Variants in NBEAL1 observed in about 807,000 individuals in gnomAD.
NBEAL1 encodes the protein neurobeachin like 1.
A neutral mutation model predicts 351.3 loss-of-function variants in NBEAL1; 273 were observed. The observed-to-expected ratio is 0.78, with a 90% confidence interval of 0.70 to 0.86. The LOEUF is 0.86. NBEAL1 is among the 40% of genes least tolerant of loss of function. The pLI is 0.00. For missense variants in NBEAL1, 2,961 were observed against 3,201.3 expected (o/e 0.92, Z 1.81); for synonymous variants, 1,050 against 1,086.4 (o/e 0.97, Z 0.66).
chr2:203,176,335 G>T (rs959746999), intron 42 of NBEAL1, among the ~76,000 whole-genome samples: 1 of 151,714 alleles, frequency 6.6e-6, no homozygotes, highest in Non-Finnish European at 1.5e-5. Context: ...TTGCCATATT[G>T]CCCAGGCTGG....
chr2:203,187,779 C>A (rs1017161874), intron 44 of NBEAL1, among the ~76,000 whole-genome samples: 4 of 152,028 alleles, frequency 2.6e-5, no homozygotes, highest in Non-Finnish European at 4.4e-5. Context: ...ACTTTTTAAC[C>A]GATCTTACTG....
intron 14 of NBEAL1, among the ~76,000 whole-genome samples, chr2:203,108,916 A>G (rs1366250536): frequency 2.0e-5 from 3 of 152,170 alleles, no homozygotes; most frequent in Non-Finnish European, 4.4e-5. Flanking sequence ...GTGTGGTGGC[A>G]CATACCTGTA....
At chr2:203,028,786 C>T (rs1482775214) in intron 2 of NBEAL1, among the ~76,000 whole-genome samples, 1 of 151,786 alleles carries the variant, frequency 6.6e-6, no homozygotes, top group Non-Finnish European at 1.5e-5. Flanking sequence ...TTTATATTTT[C>T]CTATTTTTTT....
intron 48 of NBEAL1, 114 bp from the exon 49 acceptor site, chr2:203,199,224 A>G (rs772141384): frequency 8.8e-5 from 51 of 576,752 alleles, no homozygotes; most frequent in Non-Finnish European, 1.4e-4. Flanking sequence ...TGAAGTACAC[A>G]GTCTCACAGT....
chr2:203,056,751 A>G (rs1054846485), intron 5 of NBEAL1, among the ~76,000 whole-genome samples: 11 of 152,188 alleles, frequency 7.2e-5, no homozygotes, highest in Non-Finnish European at 1.5e-4. Context: ...TATTTTTAGT[A>G]GAGACGGGGT....
intron 12 of NBEAL1, among the ~76,000 whole-genome samples, chr2:203,106,473 C>G (rs1251652037): frequency 6.6e-6 from 1 of 152,124 alleles, no homozygotes; most frequent in East Asian, 1.9e-4. Context: ...CCATCTAATA[C>G]TAGTTGCTGT....
At chr2:203,190,504 A>G in intron 46 of NBEAL1, 115 bp downstream of exon 46, 1 of 804,048 alleles carries the variant, frequency 1.2e-6, no homozygotes, top group Non-Finnish European at 2.0e-6. Context: ...CAGTCACAGA[A>G]AGATTTCTGT....
rs551035830 is a variant in NBEAL1 at position 203,149,040 on chromosome 2, G to A, written c.5354G>A (p.Arg1785Lys). The change falls in exon 34 of 56, where the codon AGG (arginine) becomes AAG (lysine). Residue 1785 changes from arginine (R) to lysine (K), a missense_variant. Physicochemically the swap from Arg to Lys is conservative, Grantham distance 26. Coordinates refer to ENST00000683969, the MANE Select transcript of NBEAL1 (RefSeq NM_001378026.1). ...CGAAAAGCACGCCAAGAGAACCTGAGGTATAATAATATGCTTAAACAACTT... is the reference window on the plus strand; with the variant it reads ...CGAAAAGCACGCCAAGAGAACCTGAAGTATAATAATATGCTTAAACAACTT... ...FNRKARQENL[R>K]YNNMLKQLSS... 6.2e-5 allele frequency: 100 copies of A among 1,611,900 alleles called. 2 individuals carry two copies. The South Asian group carries it at 9.3e-4, about 15-fold the overall frequency.
intron 27 of NBEAL1, 87 bp from the exon 28 acceptor site, chr2:203,135,590 T>G: frequency 2.5e-6 from 2 of 795,706 alleles, no homozygotes. Context: ...TTAAATTACC[T>G]TATCATTAAA....
At chr2:203,127,029 A>G (rs1559385338) in intron 23 of NBEAL1, 103 bp downstream of exon 23, 4 of 782,424 alleles carry the variant, frequency 5.1e-6, no homozygotes, top group South Asian at 1.9e-5. Context: ...CGATTCTAGT[A>G]TGTTTTAACT....
chr2:203,215,529 GAAC>G (rs2065881688), intron 55 of NBEAL1, among the ~76,000 whole-genome samples: 1 of 151,142 alleles, frequency 6.6e-6, no homozygotes, highest in Non-Finnish European at 1.5e-5. Context: ...ACAACAACAA[GAAC>G]AACAAATTAG....
intron 51 of NBEAL1, among the ~76,000 whole-genome samples, chr2:203,203,317 T>TTTA (rs2065454445): frequency 6.6e-6 from 1 of 151,036 alleles, no homozygotes; most frequent in Admixed American, 6.6e-5. Flanking sequence ...ATTTTTTTTT[T>TTTA]ATTGTATTTT....
chr2:203,188,483 T>C lies in NBEAL1; in HGVS notation c.6717T>C (p.Tyr2239=), dbSNP rs780589511. 6.4e-7 allele frequency: 1 copy of C among 1,564,524 alleles called. No individual in the cohort carries two copies. The highest frequency in any genetic ancestry group is 1.9e-5 in the Admixed American group (1 of 53,212). The change falls in exon 45 of 56, where the codon TAT becomes TAC. Residue 2239 remains tyrosine (Y), a synonymous_variant. Transcript: ENST00000683969. ...YKHRKALESE[Y]VSAHLHEWID... Reference sequence around the variant, plus strand: ...TATTCTTTTTCTAGGAGTCTGAATATGTTTCAGCTCATCTTCATGAATGGA... The same window carrying C: ...TATTCTTTTTCTAGGAGTCTGAATACGTTTCAGCTCATCTTCATGAATGGA...
In NBEAL1 at chr2:203,193,914, A is replaced by T. The variant is rs2065166964; in HGVS notation, c.7038+3A>T. On this transcript the variant is annotated splice_donor_region_variant and intron_variant, in intron 47 of 55. Transcript: ENST00000683969. Reference sequence around the variant, plus strand: ...AACTCAAGTCATTTTTTATAGAGGTAATATCCTACTTGGTAATATCAAAAA... The same window carrying T: ...AACTCAAGTCATTTTTTATAGAGGTTATATCCTACTTGGTAATATCAAAAA... 1 of 1,514,190 alleles carries T rather than the reference A, an allele frequency of 6.6e-7. No homozygotes were observed. The highest frequency in any genetic ancestry group is 9.1e-7 in the Non-Finnish European group (1 of 1,094,160). The allele number at this position is 1,514,190 out of a possible 1,614,324, so 93.8% of individuals were successfully genotyped here.
chr2:203,142,753 T>C (rs1166663999), intron 31 of NBEAL1, among the ~76,000 whole-genome samples: 1 of 152,224 alleles, frequency 6.6e-6, no homozygotes, highest in East Asian at 1.9e-4. Flanking sequence ...ATTACATTGG[T>C]ATTTCCTGGA....
intron 44 of NBEAL1, 87 bp from the exon 45 acceptor site, chr2:203,188,385 A>T: frequency 1.5e-6 from 1 of 662,948 alleles, no homozygotes; most frequent in Non-Finnish European, 2.3e-6. Flanking sequence ...GAAATGTTTC[A>T]TTTGTCCTTA....
intron 54 of NBEAL1, among the ~76,000 whole-genome samples, chr2:203,212,330 G>A (rs1225425241): frequency 6.6e-6 from 1 of 151,978 alleles, no homozygotes; most frequent in South Asian, 2.1e-4. Context: ...TTGGAAGCTG[G>A]GTGTGGTGGC....
At position 203,107,947 on chromosome 2, in the gene NBEAL1, G is replaced by C. The variant is rs1179870651; in HGVS notation, c.1708G>C (p.Glu570Gln). The C allele has an allele frequency of 9.7e-6, 15 of 1,554,186 alleles. No individual in the cohort carries two copies. The highest frequency in any genetic ancestry group is 1.7e-4 in the Middle Eastern group (1 of 5,996). The part of the protein sequence containing the change: ...LLRLLRVDES[E>Q]SVHPYVTPVT... ...GAGATTGCTGAGAGTGGATGAATCT[G>C]AGTCTGTTCACCCTTATGTCACTCC... The change falls in exon 14 of 56, where the codon GAG becomes CAG. Residue 570 changes from glutamate (E) to glutamine (Q), a missense_variant. Coordinates refer to ENST00000683969, the MANE Select transcript of NBEAL1 (RefSeq NM_001378026.1).
intron 6 of NBEAL1, among the ~76,000 whole-genome samples, chr2:203,058,352 A>C (rs970858991): frequency 9.2e-5 from 14 of 152,170 alleles, no homozygotes; most frequent in African/African-American, 2.7e-4. Flanking sequence ...GGTATTTTAA[A>C]AGAGAGGATC....
Sources: gnomAD v4.1 joint callset for allele counts (sites outside exome capture counted in the v4.1 genomes callset) on GRCh38, gnomAD v4.1.1 for gene constraint, MANE v1.5 for transcripts, NCBI Gene and HGNC (gene_info 2026-07-23, HGNC 2026-07-21) for gene names.